Variants in PPEF1 observed in about 807,000 individuals in gnomAD.
PPEF1 encodes the protein protein phosphatase with EF-hand domain 1.
Under a neutral mutation model 53.3 loss-of-function variants are expected in PPEF1, and 12 were observed. That is an observed-to-expected ratio of 0.23 (90% CI 0.14 to 0.36). PPEF1 has a LOEUF of 0.36. Ranked by LOEUF, PPEF1 falls within the 10% of genes least tolerant of loss-of-function variation. The probability of loss-of-function intolerance (pLI) is 1.00; values close to 1 mark genes in which losing one functional copy is unlikely to be tolerated. For synonymous variants in PPEF1, 165 were observed against 176.7 expected (o/e 0.93, Z 0.52); for missense variants, 334 against 490.4 (o/e 0.68, Z 3.01).
At chrX:18,749,579 G>T (rs1004973775) in intron 3 of PPEF1, among the ~76,000 whole-genome samples, 6 of 111,414 alleles carry the variant, frequency 5.4e-5, no homozygotes, top group African/African-American at 2.0e-4. Flanking sequence ...TAAAACATCT[G>T]CCCAGGAAGG....
rs147239497 is a variant in PPEF1, at chrX:18,692,379, C to A, written c.-313+1285C>A. ...CAGAAACCATGTCTATCTTGTCCAC[C>A]CCTTGTAACCACAGCACCTAGCATA... is the stretch of plus-strand genomic sequence containing the variant. On this transcript the variant is annotated intron_variant, in intron 4 of 21. Transcript: ENST00000361511. 2.7e-5 allele frequency among the ~76,000 whole-genome samples: 3 copies of A among 112,014 alleles called. No homozygotes were observed. In the East Asian group the frequency reaches 8.4e-4, roughly 31 times the overall value.
At chrX:18,816,626 G>A (rs758326647) in intron 12 of PPEF1, among the ~76,000 whole-genome samples, 3 of 111,514 alleles carry the variant, frequency 2.7e-5, no homozygotes, top group African/African-American at 9.8e-5. Context: ...ACTGAAAGTC[G>A]ACTATTGAAG....
intron 3 of PPEF1, among the ~76,000 whole-genome samples, chrX:18,748,212 T>C (rs2045368517): frequency 8.9e-6 from 1 of 112,692 alleles, no homozygotes; most frequent in African/African-American, 3.2e-5. Flanking sequence ...ATTCAGCTTC[T>C]TATAAAACAT....
chrX:18,809,220 A>T (rs1166969084), intron 12 of PPEF1, among the ~76,000 whole-genome samples: 1 of 109,753 alleles, frequency 9.1e-6, no homozygotes, highest in Non-Finnish European at 1.9e-5. Context: ...CAAGTCACTT[A>T]TATAAAATAG....
upstream of PPEF1, among the ~76,000 whole-genome samples, chrX:18,704,248 A>C (rs970272048): frequency 9.0e-6 from 1 of 111,616 alleles, no homozygotes; most frequent in Non-Finnish European, 1.9e-5. Flanking sequence ...TCTTCATAAA[A>C]AGGGGTGGAA....
intron 1 of PPEF1, among the ~76,000 whole-genome samples, chrX:18,724,511 C>A (rs1047855323): frequency 8.9e-6 from 1 of 112,325 alleles, no homozygotes; most frequent in Non-Finnish European, 1.9e-5. Flanking sequence ...AAACCACCTA[C>A]TGGCCACAGA....
At chrX:18,694,737 A>AC (rs920258229) in intron 4 of PPEF1, among the ~76,000 whole-genome samples, 4 of 110,702 alleles carry the variant, frequency 3.6e-5, no homozygotes, top group African/African-American at 9.9e-5. Flanking sequence ...CCCTGTCTCA[A>AC]CCCCCCCACC....
chrX:18,803,852 C>G (rs1385929078), intron 10 of PPEF1, 40 bp from the exon 11 acceptor site: 3 of 1,104,052 alleles, frequency 2.7e-6, no homozygotes, highest in Non-Finnish European at 3.7e-6. Context: ...GATATACTCT[C>G]ACTTGTAAGT....
upstream of PPEF1, among the ~76,000 whole-genome samples, chrX:18,679,905 A>G (rs1453168016): frequency 9.1e-6 from 1 of 110,385 alleles, no homozygotes; most frequent in Admixed American, 9.8e-5. Flanking sequence ...TCTGGCCAGC[A>G]TGATGAAATC....
chrX:18,805,358 G>A (rs1383796226), intron 11 of PPEF1, among the ~76,000 whole-genome samples: 1 of 112,082 alleles, frequency 8.9e-6, no homozygotes, highest in Admixed American at 9.5e-5. Flanking sequence ...TTCCCTCTGT[G>A]TCAGCACTTT....
chrX:18,715,161 G>A (rs1411399301), intron 1 of PPEF1, among the ~76,000 whole-genome samples: 1 of 111,535 alleles, frequency 9.0e-6, no homozygotes, highest in Non-Finnish European at 1.9e-5. Flanking sequence ...GAGCCCAGGA[G>A]TTTGAGGTTG....
intron 1 of PPEF1, among the ~76,000 whole-genome samples, chrX:18,683,813 A>G (rs1928964921): frequency 1.8e-5 from 2 of 111,955 alleles, no homozygotes; most frequent in Non-Finnish European, 3.8e-5. Flanking sequence ...TGTCGTGATT[A>G]CTATTTTGCA....
intron 11 of PPEF1, among the ~76,000 whole-genome samples, chrX:18,804,808 C>T (rs1253164931): frequency 1.8e-5 from 2 of 111,563 alleles, no homozygotes; most frequent in African/African-American, 6.5e-5. Flanking sequence ...CACTTCCCTT[C>T]AGCTCCCTGA....
rs2044777438 is a variant in PPEF1, at chrX:18,729,168, T to C, written c.47-1013T>C. Among the ~76,000 whole-genome samples the C allele has an allele frequency of 3.2e-5, 3 of 94,844 alleles. No homozygotes were observed. The South Asian group carries it at 1.3e-3, about 42-fold the overall frequency. The allele number at this position is 94,844 out of a possible 115,157, so 82.4% of individuals were successfully genotyped here. ...AAACTCTTCCCCTTGTAACATCTCA[T>C]TTCATCCTCATAGAAACTCTGTGAG... is the stretch of plus-strand genomic sequence containing the variant. On this transcript the variant is annotated intron_variant, in intron 1 of 15. Coordinates refer to ENST00000470157, the MANE Select transcript of PPEF1 (RefSeq NM_001377996.1).
intron 5 of PPEF1, among the ~76,000 whole-genome samples, chrX:18,699,650 G>T (rs1248044423): frequency 9.0e-6 from 1 of 111,431 alleles, no homozygotes; most frequent in Non-Finnish European, 1.9e-5. Context: ...AACTCAGCAA[G>T]ATTACAGGCC....
rs762452243 is a variant in PPEF1 at position 18,787,041 on chromosome X, G to A, written c.913-2080G>A. Among the ~76,000 whole-genome samples the A allele has an allele frequency of 9.0e-5, 10 of 111,606 alleles. No homozygotes were observed. The East Asian group carries it at 2.3e-3, about 25-fold the overall frequency. On this transcript the variant is annotated intron_variant, in intron 9 of 15. Transcript: ENST00000470157. ...TAGAAATTCAACTTGTATATTGTTT[G>A]TGTCTTCTACCCTTCCTTGAGTGAG...
At chrX:18,811,610 TATA>T (rs1474056279) in intron 12 of PPEF1, among the ~76,000 whole-genome samples, 5 of 14,158 alleles carry the variant, frequency 3.5e-4, no homozygotes, top group South Asian at 1.4e-3. Context: ...TATATATATA[TATA>T]TATTTTTTTT....
chrX:18,722,540 A>G (rs1157660901), intron 1 of PPEF1, among the ~76,000 whole-genome samples: 1 of 112,375 alleles, frequency 8.9e-6, no homozygotes, highest in Non-Finnish European at 1.9e-5. Flanking sequence ...AACCAAAACC[A>G]AACCAAACAT....
At chrX:18,677,070 G>A (rs1158815085) in intron 1 of PPEF1, among the ~76,000 whole-genome samples, 2 of 94,189 alleles carry the variant, frequency 2.1e-5, no homozygotes, top group East Asian at 3.3e-4. Flanking sequence ...ACGGAGTCTC[G>A]CTCTGTTGCC....
Sources: allele counts gnomAD v4.1 joint callset (sites outside exome capture counted in the v4.1 genomes callset), GRCh38; gene constraint gnomAD v4.1.1; transcripts MANE v1.5; gene names NCBI Gene and HGNC (gene_info 2026-07-23, HGNC 2026-07-21).